RSRP1: variants seen among roughly 807,000 people sequenced by gnomAD.
The protein encoded by RSRP1 is arginine and serine rich protein 1.
Under a neutral mutation model 33.0 loss-of-function variants are expected in RSRP1, and 37 were observed. The observed-to-expected ratio is 1.12, with a 90% CI of 0.86 to 1.48. The LOEUF is 1.48. Among genes scored for constraint, RSRP1 ranks in the 40% most tolerant of loss-of-function variants. RSRP1 has a pLI of 0.00. For synonymous variants in RSRP1, 167 were observed against 158.7 expected, an observed-to-expected ratio of 1.05 and a Z score of -0.40; for missense variants, 402 against 385.3, an observed-to-expected ratio of 1.04 and a Z score of -0.36.
chr1:25,246,684 G>T lies in RSRP1; in HGVS notation c.280C>A (p.Arg94=), dbSNP rs761685385. ...CTGGTGAACCCGTAGCGCCTCTCTC[G>T]GTAACGGCGGCTGCGGGATCGCGAC... ...SRSRSRSRRY[R]ERRYGFTRRY... The change falls in exon 2 of 5, where the codon CGA becomes AGA. Residue 94 remains arginine (R), a synonymous_variant. Coordinates refer to ENST00000243189, the MANE Select transcript of RSRP1 (RefSeq NM_020317.5). 8 of 1,608,804 alleles carry T rather than the reference G, an allele frequency of 5.0e-6. No individual in the cohort carries two copies. The highest frequency in any genetic ancestry group is 6.8e-6 in the Non-Finnish European group (8 of 1,176,106).
chr1:25,304,622 A>G lies in RSRP1; in HGVS notation c.-67+33356T>C, dbSNP rs536588151. On this transcript the variant is annotated intron_variant, in intron 1 of 1. Transcript: ENST00000561867. ...TAAAAAAAAAAAAAGTGGTTTATATACAGAGTGGAATATTATTTAGCCATA... is the reference window on the plus strand; with the variant it reads ...TAAAAAAAAAAAAAGTGGTTTATATGCAGAGTGGAATATTATTTAGCCATA... 34 of 131,130 alleles carry G rather than the reference A, an allele frequency of 2.6e-4. 5 individuals carry two copies. The highest frequency in any genetic ancestry group is 8.1e-4 in the African/African-American group (31 of 38,156). 8.1% of individuals were successfully genotyped at this position (131,130 alleles called of 1,614,324 possible).
At chr1:25,318,948 T>A (rs1327952200) in intron 1 of RSRP1, among the ~76,000 whole-genome samples, 1 of 133,408 alleles carries the variant, frequency 7.5e-6, no homozygotes. Context: ...TTGCAGAGTC[T>A]TTGTGAAGAA....
intron 1 of RSRP1, among the ~76,000 whole-genome samples, chr1:25,255,972 A>G (rs1205588434): frequency 6.6e-6 from 1 of 152,094 alleles, no homozygotes; most frequent in Non-Finnish European, 1.5e-5. Flanking sequence ...AACAGGCCAC[A>G]AATGGGGGGT....
intron 1 of RSRP1, among the ~76,000 whole-genome samples, chr1:25,331,654 G>A (rs1571782190): frequency 9.4e-6 from 1 of 106,932 alleles, no homozygotes; most frequent in South Asian, 3.1e-4. Context: ...TGAAACCTCC[G>A]CCTCCCAGGT....
upstream of RSRP1, among the ~76,000 whole-genome samples, chr1:25,249,710 T>C (rs936545674): frequency 6.6e-6 from 1 of 152,226 alleles, no homozygotes; most frequent in African/African-American, 2.4e-5. Flanking sequence ...AGAATGCTGG[T>C]GTATTTGTCT....
At chr1:25,283,402 G>A (rs1641671597) in intron 1 of RSRP1, among the ~76,000 whole-genome samples, 2 of 130,782 alleles carry the variant, frequency 1.5e-5, no homozygotes, top group African/African-American at 5.2e-5. Flanking sequence ...ACGGTGGCAG[G>A]CACCTGTAAT....
Position 25,332,416 on chromosome 1 carries a change from C to T in RSRP1, c.-67+5562G>A, listed in dbSNP as rs397741521. On this transcript the variant is annotated intron_variant, in intron 1 of 1. Transcript: ENST00000561867. Reference sequence around the variant, plus strand: ...TAGCTATGTCTATTGAGCACTCAAGCGTATTCTAGAAACTGTTCCTGATTC... The same window carrying T: ...TAGCTATGTCTATTGAGCACTCAAGTGTATTCTAGAAACTGTTCCTGATTC... Among the ~76,000 whole-genome samples the T allele has an allele frequency of 1.4e-4, 19 of 131,900 alleles. 2 individuals are homozygous for T. The highest frequency in any genetic ancestry group is 8.1e-3 in the Middle Eastern group (2 of 246). 86.5% of individuals were successfully genotyped at this position (131,900 alleles called of 152,430 possible).
Position 25,283,512 on chromosome 1 carries a change from C to CGA in RSRP1, c.-66-36485_-66-36484dup, listed in dbSNP as rs1557519394. ...TGCCACTGTACTCCAGCCTGGGTGACGAGTGAAACTCTATCTCGATATTAA... is the reference window on the plus strand; with the variant it reads ...TGCCACTGTACTCCAGCCTGGGTGACGAGAGTGAAACTCTATCTCGATATTAA... On this transcript the variant is annotated intron_variant, in intron 1 of 1. Transcript: ENST00000561867. 2.4e-5 allele frequency among the ~76,000 whole-genome samples: 3 copies of CGA among 126,000 alleles called. 1 individual carries two copies. Among genetic ancestry groups the CGA allele is most frequent in the Non-Finnish European group, 5.5e-5 (3 of 54,816 alleles). The allele number at this position is 126,000 out of a possible 152,430, so 82.7% of individuals were successfully genotyped here.
At chr1:25,253,176 G>A (rs891068712) in intron 1 of RSRP1, 1 of 152,254 alleles carries the variant, frequency 6.6e-6, no homozygotes, top group African/African-American at 2.4e-5. Flanking sequence ...CCAAACTGCT[G>A]GGATTACAGG....
rs556882093 is a variant in RSRP1 at position 25,290,493 on chromosome 1, G to T, written c.-66-43464C>A. On this transcript the variant is annotated intron_variant, in intron 1 of 1. Transcript: ENST00000561867. ...TCCACTCTGCAGCATCAGCGCCCAG[G>T]TGGGTAGAAATCTTGTCTTCTATTC... The T allele has an allele frequency of 7.0e-4, 520 of 744,612 alleles. 72 individuals carry two copies. The highest frequency in any genetic ancestry group is 6.7e-3 in the African/African-American group (387 of 57,944). 46.1% of individuals were successfully genotyped at this position (744,612 alleles called of 1,614,324 possible). A position where few individuals can be genotyped will look rare whatever the true frequency, so the allele number is the denominator to read the frequency against.
intron 1 of RSRP1, among the ~76,000 whole-genome samples, chr1:25,305,932 T>C (rs939524910): frequency 7.6e-6 from 1 of 131,668 alleles, no homozygotes; most frequent in African/African-American, 2.6e-5. Flanking sequence ...TAATAGGGAT[T>C]CTAAGGAAGG....
chr1:25,254,490 C>T (rs1276513484), intron 1 of RSRP1, among the ~76,000 whole-genome samples: 2 of 152,088 alleles, frequency 1.3e-5, no homozygotes, highest in Non-Finnish European at 2.9e-5. Flanking sequence ...GGCTGGAGTG[C>T]GGTGGTGTGG....
chr1:25,247,022 A>G lies in RSRP1; in HGVS notation c.-59T>C. ...GAAAGGATCCCGCAAGCCTCAACTC[A>G]GGACTTCCTAAAAAACCAAGAGAGA... is the stretch of plus-strand genomic sequence containing the variant. On this transcript the variant is annotated 5_prime_UTR_variant, in exon 2 of 5. Transcript: ENST00000243189. The G allele has an allele frequency of 6.9e-7, 1 of 1,443,476 alleles. No individual in the cohort carries two copies. The highest frequency in any genetic ancestry group is 9.3e-7 in the Non-Finnish European group (1 of 1,080,890). The allele number at this position is 1,443,476 out of a possible 1,614,324, so 89.4% of individuals were successfully genotyped here. A position where few individuals can be genotyped will look rare whatever the true frequency, so the allele number is the denominator to read the frequency against.
chr1:25,267,751 C>T lies in RSRP1; in HGVS notation c.-66-20722G>A, dbSNP rs1463662506. 3 of 132,356 alleles carry T rather than the reference C, an allele frequency of 2.3e-5. 1 individual carries two copies. The highest frequency in any genetic ancestry group is 7.7e-5 in the African/African-American group (3 of 38,726). 8.2% of individuals were successfully genotyped at this position (132,356 alleles called of 1,614,324 possible). ...AAAACACTCGTCACCTCAATCAAGACGGGTACGAAGGCCAACGGACGCCTT... is the reference window on the plus strand; with the variant it reads ...AAAACACTCGTCACCTCAATCAAGATGGGTACGAAGGCCAACGGACGCCTT... On this transcript the variant is annotated intron_variant, in intron 1 of 1. Transcript: ENST00000561867.
At chr1:25,244,080 G>T in intron 3 of RSRP1, 1 of 1,189,702 alleles carries the variant, frequency 8.4e-7, no homozygotes, top group Non-Finnish European at 1.1e-6. Flanking sequence ...TTAAGCCCCC[G>T]AGACGGGAGT....
rs555343613 is a variant in RSRP1 at position 25,307,847 on chromosome 1, G to A, written c.-67+30131C>T. ...ACATCCTTGCTTGGGATGAGGAGGGGATGAGCTGTGTGAAGCAAGGCGCCT... is the reference window on the plus strand; with the variant it reads ...ACATCCTTGCTTGGGATGAGGAGGGAATGAGCTGTGTGAAGCAAGGCGCCT... On this transcript the variant is annotated intron_variant, in intron 1 of 1. Coordinates refer to the RSRP1 transcript ENST00000561867. The A allele has an allele frequency of 8.9e-5, 115 of 1,295,912 alleles. 16 individuals are homozygous for A. The African/African-American group carries it at 1.6e-3, about 18-fold the overall frequency. The allele number at this position is 1,295,912 out of a possible 1,614,324, so 80.3% of individuals were successfully genotyped here.
At chr1:25,299,053 A>G (rs1159700845) in intron 1 of RSRP1, among the ~76,000 whole-genome samples, 2 of 112,318 alleles carry the variant, frequency 1.8e-5, no homozygotes, top group Non-Finnish European at 4.2e-5. Flanking sequence ...CGCTGTTTAG[A>G]ATTGTCAGCA....
intron 1 of RSRP1, among the ~76,000 whole-genome samples, chr1:25,261,406 CTTTTT>C (rs561224552): frequency 7.1e-6 from 1 of 140,852 alleles, no homozygotes; most frequent in African/African-American, 2.6e-5. Flanking sequence ...TGATTTCTTT[CTTTTT>C]TTTTTTTTTT....
chr1:25,266,272 A>C (rs1640308503), intron 1 of RSRP1: 1 of 131,324 alleles, frequency 7.6e-6, no homozygotes, highest in South Asian at 2.3e-4. Flanking sequence ...GCCACAAAAG[A>C]GAAAAAAGGG....
Sources: gnomAD v4.1 joint callset for allele counts (sites outside exome capture counted in the v4.1 genomes callset) on GRCh38, gnomAD v4.1.1 for gene constraint, MANE v1.5 for transcripts, NCBI Gene and HGNC (gene_info 2026-07-23, HGNC 2026-07-21) for gene names.